CACNG6: variants seen among roughly 807,000 people sequenced by gnomAD.
CACNG6 encodes the protein voltage-dependent calcium channel gamma-6 subunit.
Under a neutral mutation model 23.9 loss-of-function variants are expected in CACNG6, and 21 were observed. That is an observed-to-expected ratio of 0.88 (90% CI 0.62 to 1.26). The LOEUF is 1.26. Ranked by LOEUF, CACNG6 falls within the 50% of genes most tolerant of loss-of-function variation. The pLI, the probability that CACNG6 is intolerant of heterozygous loss-of-function variation, is 0.00. For synonymous variants in CACNG6, 182 were observed against 168.9 expected (o/e 1.08, Z -0.60); for missense variants, 340 against 352.9 (o/e 0.96, Z 0.29).
intron 3 of CACNG6, 34 bp from the exon 4 acceptor site, chr19:54,011,917 G>A: frequency 7.1e-7 from 1 of 1,401,332 alleles, no homozygotes; most frequent in Non-Finnish European, 9.4e-7. Context: ...TGGGGTCGCG[G>A]GCGTCTGACT....
intron 1 of CACNG6, among the ~76,000 whole-genome samples, chr19:53,997,368 G>C (rs1348993715): frequency 6.6e-6 from 1 of 151,786 alleles, no homozygotes; most frequent in Non-Finnish European, 1.5e-5. Flanking sequence ...ACTTGATTCT[G>C]ACTCCATGTT....
chr19:54,005,381 G>A (rs2069632331), intron 3 of CACNG6, among the ~76,000 whole-genome samples: 1 of 150,498 alleles, frequency 6.6e-6, no homozygotes, highest in African/African-American at 2.4e-5. Flanking sequence ...GCAACATAGT[G>A]AAACCCCATC....
chr19:53,996,790 A>G (rs2069525282), intron 1 of CACNG6, among the ~76,000 whole-genome samples: 1 of 152,078 alleles, frequency 6.6e-6, no homozygotes, highest in African/African-American at 2.4e-5. Context: ...TGACTTGGAA[A>G]ATATATAGTG....
At chr19:53,993,229 GC>G in intron 1 of CACNG6, 21 bp downstream of exon 1, 1 of 1,526,282 alleles carries the variant, frequency 6.6e-7, no homozygotes, top group Non-Finnish European at 8.8e-7. Context: ...GCCGCCCCGA[GC>G]GCAGGGCTTG....
chr19:54,000,297 C>T (rs2069563044), intron 3 of CACNG6, among the ~76,000 whole-genome samples: 1 of 152,036 alleles, frequency 6.6e-6, no homozygotes, highest in Non-Finnish European at 1.5e-5. Context: ...AGCACTATAG[C>T]GTGTTGAGAG....
chr19:53,997,191 TA>T (rs2069529100), intron 1 of CACNG6, among the ~76,000 whole-genome samples: 1 of 152,106 alleles, frequency 6.6e-6, no homozygotes, highest in South Asian at 2.1e-4. Context: ...ATTTTTAAAT[TA>T]AATTATTAAT....
In CACNG6 at chr19:53,998,224, C is replaced by G. The variant is rs1182245458; in HGVS notation, c.332-15C>G. 1 of 1,611,810 alleles carries G rather than the reference C, an allele frequency of 6.2e-7. No homozygotes were observed. The highest frequency in any genetic ancestry group is 8.5e-7 in the Non-Finnish European group (1 of 1,177,924). On this transcript the variant is annotated splice_polypyrimidine_tract_variant and intron_variant, in intron 1 of 3. Coordinates refer to ENST00000252729, the MANE Select transcript of CACNG6 (RefSeq NM_145814.2). ...TCACATCCTCATGTCTGTTTTCTCT[C>G]TCCTGCTCCCACAGAAGCAAACTGC...
chr19:53,998,130 A>G, intron 1 of CACNG6, 109 bp from the exon 2 acceptor site: 1 of 865,996 alleles, frequency 1.2e-6, no homozygotes, highest in Non-Finnish European at 1.9e-6. Flanking sequence ...TGTATCAGGG[A>G]TGCTGATGTC....
Position 54,011,115 on chromosome 19 carries a change from G to A in CACNG6, c.545-836G>A, listed in dbSNP as rs2069701489. On this transcript the variant is annotated intron_variant, in intron 3 of 3. Coordinates refer to ENST00000252729, the MANE Select transcript of CACNG6 (RefSeq NM_145814.2). ...CACCTGTCATCTCAGCACTTTGGGA[G>A]GCCGAGGTGGGTGGACCACTTGAGG... Among the ~76,000 whole-genome samples, 3 of 148,800 alleles carry A rather than the reference G, an allele frequency of 2.0e-5. No homozygotes were observed. The Admixed American group carries it at 2.1e-4, about 10-fold the overall frequency.
At chr19:54,011,430 C>CAAAAA (rs59105087) in intron 3 of CACNG6, among the ~76,000 whole-genome samples, 32 of 100,286 alleles carry the variant, frequency 3.2e-4, no homozygotes, top group Non-Finnish European at 4.6e-4. Flanking sequence ...GACTCCGTCT[C>CAAAAA]AAAAAAAAAA....
chr19:53,994,856 A>G (rs1398667159), intron 1 of CACNG6, among the ~76,000 whole-genome samples: 1 of 152,166 alleles, frequency 6.6e-6, no homozygotes, highest in Non-Finnish European at 1.5e-5. Context: ...ATTTCTGCAG[A>G]TGGGCTGTCT....
chr19:54,002,275 G>GTTTTTTTTTTTTTTTTTTTTTTTTTTT (rs1174799698), intron 3 of CACNG6, among the ~76,000 whole-genome samples: 10 of 116,428 alleles, frequency 8.6e-5, no homozygotes, highest in Admixed American at 1.7e-4. Flanking sequence ...CGGTTTTTTT[G>GTTTTTTTTTTTTTTTTTTTTTTTTTTT]TTTTTTTTGT....
In CACNG6 at chr19:53,992,748, C is replaced by G. The variant is rs1219458118; in HGVS notation, c.-130C>G. The G allele has an allele frequency of 1.2e-5, 6 of 516,118 alleles. No individual in the cohort carries two copies. The highest frequency in any genetic ancestry group is 5.9e-5 in the African/African-American group (3 of 50,790). The allele number at this position is 516,118 out of a possible 1,614,324, so 32.0% of individuals were successfully genotyped here. A position where few individuals can be genotyped will look rare whatever the true frequency, so the allele number is the denominator to read the frequency against. On this transcript the variant is annotated 5_prime_UTR_variant, in exon 1 of 4. Coordinates refer to ENST00000252729, the MANE Select transcript of CACNG6 (RefSeq NM_145814.2). The surrounding 1 kb of genome is among the most constrained non-coding windows in gnomAD (Gnocchi z 4.1). ...GAGATTCCAGACAGGACTCGGCTCT[C>G]CCTCTTTCATACCCAGGGGAAACTG... is the stretch of plus-strand genomic sequence containing the variant.
intron 1 of CACNG6, among the ~76,000 whole-genome samples, chr19:53,995,090 G>A (rs995745868): frequency 4.2e-5 from 6 of 143,964 alleles, no homozygotes; most frequent in African/African-American, 1.6e-4. Context: ...CTCGGTCTAT[G>A]CACCCAGGCT....
At chr19:54,011,848 G>T in intron 3 of CACNG6, 103 bp from the exon 4 acceptor site, 1 of 654,032 alleles carries the variant, frequency 1.5e-6, no homozygotes. Context: ...GCACGCGTGG[G>T]AAGGTGCCAG....
chr19:53,999,918 C>T, intron 3 of CACNG6, 147 bp downstream of exon 3: 9 of 988,436 alleles, frequency 9.1e-6, no homozygotes, highest in Admixed American at 2.5e-5. Flanking sequence ...GGAGTAGGGT[C>T]TCCACACACT....
At chr19:54,001,992 C>T (rs920133894) in intron 3 of CACNG6, among the ~76,000 whole-genome samples, 6 of 152,126 alleles carry the variant, frequency 3.9e-5, no homozygotes, top group African/African-American at 1.4e-4. Flanking sequence ...CCATCCTATC[C>T]ATCCATCCAT....
At position 53,992,091 on chromosome 19, in the gene CACNG6, C is replaced by G. The variant is rs947815426; in HGVS notation, c.-787C>G. On this transcript the variant is annotated 5_prime_UTR_variant, in exon 1 of 4. Transcript: ENST00000252729. This position sits in a 1 kb window ranked among gnomAD's most constrained non-coding sequence, Gnocchi z 4.1. ...GAGACCTCGGATCTTTTCTGAATGG[C>G]AGGGGAGACCCCTATCCCCTTTTCC... 9.9e-5 allele frequency among the ~76,000 whole-genome samples: 15 copies of G among 152,178 alleles called. No homozygotes were observed. Among genetic ancestry groups the G allele is most frequent in the Non-Finnish European group, 2.9e-5 (2 of 68,018 alleles).
chr19:53,993,393 G>A (rs910369850), intron 1 of CACNG6, among the ~76,000 whole-genome samples, 185 bp downstream of exon 1: 1 of 152,074 alleles, frequency 6.6e-6, no homozygotes, highest in Non-Finnish European at 1.5e-5. Flanking sequence ...GAGATAGAGG[G>A]ATCCCCCAGA....
Sources: allele counts gnomAD v4.1 joint callset (sites outside exome capture counted in the v4.1 genomes callset), GRCh38; gene constraint gnomAD v4.1.1; non-coding constraint Gnocchi (gnomAD v3.1); transcripts MANE v1.5; gene names NCBI Gene and HGNC (gene_info 2026-07-23, HGNC 2026-07-21).